PRORP: variants seen among roughly 807,000 people sequenced by gnomAD.
The protein encoded by PRORP is protein only RNase P catalytic subunit, also known as mitochondrial ribonuclease P catalytic subunit.
In PRORP, 51 loss-of-function variants were observed where a neutral mutation model predicts 59.4. That is an observed-to-expected ratio of 0.86 (90% CI 0.69 to 1.08). The LOEUF (loss-of-function observed/expected upper bound fraction) is 1.08. PRORP is among the 50% of genes least tolerant of loss of function. PRORP has a pLI of 0.00. For synonymous variants in PRORP, 231 were observed against 245.6 expected, an observed-to-expected ratio of 0.94 and a Z score of 0.55; for missense variants, 646 against 690.3, an observed-to-expected ratio of 0.94 and a Z score of 0.72.
intron 4 of PRORP, among the ~76,000 whole-genome samples, chr14:35,166,366 C>T (rs2048184445): frequency 1.3e-5 from 2 of 151,882 alleles, no homozygotes; most frequent in East Asian, 1.9e-4. Flanking sequence ...TAGATGCAAC[C>T]GAATTTGTCC....
intron 5 of PRORP, among the ~76,000 whole-genome samples, chr14:35,212,039 G>A (rs1211011651): frequency 6.6e-6 from 1 of 152,066 alleles, no homozygotes; most frequent in Non-Finnish European, 1.5e-5. Context: ...TCTTCTTCAG[G>A]AGTACATTTT....
chr14:35,150,870 A>G (rs2047727543), intron 4 of PRORP, among the ~76,000 whole-genome samples: 1 of 152,178 alleles, frequency 6.6e-6, no homozygotes, highest in African/African-American at 2.4e-5. Context: ...ACAGAGGGAT[A>G]AAGTCACCTT....
chr14:35,126,917 A>G, intron 3 of PRORP, 135 bp downstream of exon 3: 2 of 679,692 alleles, frequency 2.9e-6, no homozygotes, highest in Non-Finnish European at 5.0e-6. Flanking sequence ...TGAGGAAAAA[A>G]ACATACTTTG....
intron 4 of PRORP, among the ~76,000 whole-genome samples, chr14:35,147,496 C>T (rs1197509596): frequency 6.6e-6 from 1 of 152,174 alleles, no homozygotes; most frequent in Non-Finnish European, 1.5e-5. Flanking sequence ...GCTCACATGA[C>T]CATGTCTAGC....
At position 35,123,206 on chromosome 14, in the gene PRORP, C is replaced by T. The variant is rs769022291; in HGVS notation, c.-40C>T. ...TTTTGCCATAGAAGAGGGGTTTTTTCAACATCTCTCTCACTATCTGGTGCT... is the reference window on the plus strand; with the variant it reads ...TTTTGCCATAGAAGAGGGGTTTTTTTAACATCTCTCTCACTATCTGGTGCT... On this transcript the variant is annotated 5_prime_UTR_variant, in exon 2 of 8. Coordinates refer to ENST00000534898, the MANE Select transcript of PRORP (RefSeq NM_014672.4). The T allele has an allele frequency of 1.6e-5, 25 of 1,559,070 alleles. No homozygotes were observed. The Admixed American group carries it at 4.4e-4, about 27-fold the overall frequency.
intron 5 of PRORP, among the ~76,000 whole-genome samples, chr14:35,205,704 T>G (rs1045618362): frequency 6.6e-6 from 1 of 152,226 alleles, no homozygotes; most frequent in Non-Finnish European, 1.5e-5. Context: ...TAATTAGATA[T>G]TTATATGTTT....
Position 35,141,738 on chromosome 14 carries a change from A to T in PRORP, c.1167+14127A>T, listed in dbSNP as rs551681985. Among the ~76,000 whole-genome samples the T allele has an allele frequency of 1.7e-4, 25 of 144,712 alleles. 4 individuals are homozygous for T. In the East Asian group the frequency reaches 5.9e-3, roughly 34 times the overall value. 94.9% of individuals were successfully genotyped at this position (144,712 alleles called of 152,430 possible). On this transcript the variant is annotated intron_variant, in intron 4 of 7. Transcript: ENST00000534898. ...TTAACTCATGACCACTTTTTTTTTG[A>T]CAGGGTCTTGCTCTGTCACCTAAGC... is the stretch of plus-strand genomic sequence containing the variant.
intron 5 of PRORP, among the ~76,000 whole-genome samples, chr14:35,243,091 G>T (rs1355891659): frequency 6.6e-6 from 1 of 152,188 alleles, no homozygotes; most frequent in Non-Finnish European, 1.5e-5. Context: ...AGTACCTTCA[G>T]TGTATTGCCA....
intron 4 of PRORP, among the ~76,000 whole-genome samples, chr14:35,166,842 A>T (rs888153019): frequency 6.6e-6 from 1 of 152,168 alleles, no homozygotes; most frequent in African/African-American, 2.4e-5. Context: ...GAGAGAAGAG[A>T]TCCATTAATG....
At chr14:35,190,443 T>G (rs1263168691) in intron 5 of PRORP, among the ~76,000 whole-genome samples, 1 of 152,166 alleles carries the variant, frequency 6.6e-6, no homozygotes, top group Admixed American at 6.5e-5. Flanking sequence ...CTAGTAACAT[T>G]TAAATCTCCA....
At chr14:35,199,284 G>A (rs375015263) in intron 5 of PRORP, among the ~76,000 whole-genome samples, 3 of 149,142 alleles carry the variant, frequency 2.0e-5, no homozygotes, top group African/African-American at 7.4e-5. Context: ...GCAGTAAGCC[G>A]AGATTGCACC....
chr14:35,136,810 A>G (rs4981268), intron 4 of PRORP, among the ~76,000 whole-genome samples: 11,120 of 145,516 alleles, frequency 0.076, 1,666 homozygotes, highest in African/African-American at 0.25. Context: ...CTCATCCAGG[A>G]AAACAGTGAG....
intron 4 of PRORP, 100 bp downstream of exon 4, chr14:35,127,711 G>A: frequency 8.0e-7 from 1 of 1,256,442 alleles, no homozygotes; most frequent in African/African-American, 1.5e-5. Context: ...AGGCTTTGTA[G>A]GTCATCGGTC....
intron 4 of PRORP, among the ~76,000 whole-genome samples, chr14:35,152,334 C>G (rs1225837318): frequency 1.3e-5 from 2 of 152,230 alleles, no homozygotes; most frequent in African/African-American, 4.8e-5. Context: ...CTGCTTCTTT[C>G]TACACAGACA....
chr14:35,273,504 T>A lies in PRORP; in HGVS notation c.1690T>A (p.Leu564Met). 1 of 1,613,736 alleles carries A rather than the reference T, an allele frequency of 6.2e-7. No individual in the cohort carries two copies. The highest frequency in any genetic ancestry group is 8.5e-7 in the Non-Finnish European group (1 of 1,179,792). ...DSWHIPYDED[L>M]VERCSCEVPT... is the part of the protein sequence containing the mutation. ...GTGGCACATACCATATGATGAAGAC[T>A]TGGTAGAAAGATGTTCCTGTGAAGT... The change falls in exon 8 of 8, where the codon TTG becomes ATG. Residue 564 changes from leucine to methionine, a missense_variant. Physicochemically the swap from Leu to Met is conservative, Grantham distance 15. Transcript: ENST00000534898.
At chr14:35,256,165 T>C (rs2050748916) in intron 5 of PRORP, among the ~76,000 whole-genome samples, 1 of 149,038 alleles carries the variant, frequency 6.7e-6, no homozygotes, top group Non-Finnish European at 1.5e-5. Context: ...GCACCTGTAA[T>C]CCCAGATGCT....
chr14:35,196,075 A>G (rs2049000800), intron 5 of PRORP, among the ~76,000 whole-genome samples: 1 of 152,222 alleles, frequency 6.6e-6, no homozygotes, highest in African/African-American at 2.4e-5. Flanking sequence ...CAAACAAGTC[A>G]CTGTTAATGT....
intron 5 of PRORP, among the ~76,000 whole-genome samples, chr14:35,225,067 A>G (rs2049898748): frequency 6.6e-6 from 1 of 152,190 alleles, no homozygotes; most frequent in South Asian, 2.1e-4. Flanking sequence ...TGTTGCTAGT[A>G]TCAGAAATTT....
At chr14:35,260,617 A>G (rs151047709) in intron 5 of PRORP, among the ~76,000 whole-genome samples, 193 of 152,358 alleles carry the variant, frequency 1.3e-3, no homozygotes, top group African/African-American at 3.6e-3. Flanking sequence ...GCTAGGCACT[A>G]AGGCAAACCT....
Sources: gnomAD v4.1 joint callset for allele counts (sites outside exome capture counted in the v4.1 genomes callset) on GRCh38, gnomAD v4.1.1 for gene constraint, MANE v1.5 for transcripts, NCBI Gene and HGNC (gene_info 2026-07-23, HGNC 2026-07-21) for gene names.